GRIN2B: variants seen among roughly 807,000 people sequenced by gnomAD.
The protein encoded by GRIN2B is glutamate receptor ionotropic, NMDA 2B.
In GRIN2B, 5 loss-of-function variants were observed where a neutral mutation model predicts 114.5. The observed-to-expected ratio is 0.04, with a 90% CI of 0.02 to 0.09. The LOEUF (loss-of-function observed/expected upper bound fraction) is 0.09, where lower values mean the gene tolerates loss of function less well. GRIN2B is among the 10% of genes least tolerant of loss of function. The pLI, the probability that GRIN2B is intolerant of heterozygous loss-of-function variation, is 1.00. For missense variants in GRIN2B, 1,108 were observed against 1,943.5 expected, an observed-to-expected ratio of 0.57 and a Z score of 8.08; for synonymous variants, 787 against 745.1, an observed-to-expected ratio of 1.06 and a Z score of -0.92.
chr12:13,647,720 A>T (rs941610269), intron 5 of GRIN2B, among the ~76,000 whole-genome samples: 1 of 152,048 alleles, frequency 6.6e-6, no homozygotes, highest in Admixed American at 6.6e-5. Flanking sequence ...ACACCCACTC[A>T]AAAGGGGAAT....
Position 13,866,108 on chromosome 12 carries a change from C to T in GRIN2B, c.101G>A (p.Ser34Asn), listed in dbSNP as rs777940683. ...SRARSQKSPP[S>N]IGIAVILVGT... ...CACGAGGATGACAGCAATGCCAATG[C>T]TGGGGGGGCTCTTCTGAGAACGAGC... The change falls in exon 3 of 14, where the codon AGC (serine) becomes AAC (asparagine). Residue 34 changes from serine to asparagine, a missense_variant. Ser to Asn is a conservative substitution (Grantham distance 46). This residue lies in a region of GRIN2B where 46 missense variants were observed against 44.4 expected (regional missense o/e 1.04). Coordinates refer to ENST00000609686, the MANE Select transcript of GRIN2B (RefSeq NM_000834.5). The T allele has an allele frequency of 6.2e-7, 1 of 1,613,956 alleles. No individual in the cohort carries two copies. Among genetic ancestry groups the T allele is most frequent in the East Asian group, 2.2e-5 (1 of 44,818 alleles).
intron 4 of GRIN2B, among the ~76,000 whole-genome samples, chr12:13,699,139 A>G (rs1950288408): frequency 6.6e-6 from 1 of 152,220 alleles, no homozygotes; most frequent in African/African-American, 2.4e-5. Context: ...AAATTAAAAT[A>G]CTTATGTTAG....
intron 5 of GRIN2B, among the ~76,000 whole-genome samples, chr12:13,655,742 G>A (rs758855741): frequency 3.3e-5 from 5 of 152,180 alleles, no homozygotes; most frequent in Non-Finnish European, 5.9e-5. Context: ...ATGAGTTAAT[G>A]TAAGTGATCT....
chr12:13,865,752 C>T (rs1865816326), intron 3 of GRIN2B, 46 bp downstream of exon 3: 1 of 1,467,828 alleles, frequency 6.8e-7, no homozygotes. Flanking sequence ...ATGGTTTAGT[C>T]CTCAGCACAA....
chr12:13,842,855 C>A (rs1460236725), intron 3 of GRIN2B, among the ~76,000 whole-genome samples: 1 of 149,486 alleles, frequency 6.7e-6, no homozygotes, highest in East Asian at 2.0e-4. Context: ...ACATAATAGT[C>A]TTCCTTTTCC....
At chr12:13,929,191 T>C (rs1430578418) in intron 2 of GRIN2B, among the ~76,000 whole-genome samples, 1 of 152,198 alleles carries the variant, frequency 6.6e-6, no homozygotes, top group Non-Finnish European at 1.5e-5. Flanking sequence ...TAAGAAATTA[T>C]GCAGAATAAA....
At chr12:13,878,220 CAAGA>C (rs1265196467) in intron 2 of GRIN2B, among the ~76,000 whole-genome samples, 1 of 152,166 alleles carries the variant, frequency 6.6e-6, no homozygotes, top group Non-Finnish European at 1.5e-5. Flanking sequence ...TGAGTAGGAA[CAAGA>C]CCAAGACAGG....
intron 10 of GRIN2B, among the ~76,000 whole-genome samples, chr12:13,579,288 G>A (rs528781495): frequency 1.1e-4 from 17 of 152,278 alleles, no homozygotes; most frequent in Admixed American, 4.6e-4. Flanking sequence ...GTTGAATTCT[G>A]TGCAAAGGAG....
At chr12:13,945,763 G>A (rs955916208) in intron 2 of GRIN2B, among the ~76,000 whole-genome samples, 2 of 152,136 alleles carry the variant, frequency 1.3e-5, no homozygotes, top group African/African-American at 4.8e-5. Flanking sequence ...GTGAGACATG[G>A]GAACATAAAC....
At chr12:13,613,023 G>A in intron 8 of GRIN2B, among the ~76,000 whole-genome samples, 1 of 152,318 alleles carries the variant, frequency 6.6e-6, no homozygotes. Flanking sequence ...AATTGTAAAA[G>A]CCTGGTCACT....
intron 2 of GRIN2B, among the ~76,000 whole-genome samples, chr12:13,913,167 A>G (rs1866653339): frequency 1.3e-5 from 2 of 152,210 alleles, no homozygotes; most frequent in African/African-American, 4.8e-5. Flanking sequence ...ATAGATCTTT[A>G]GTACTGTTGG....
intron 4 of GRIN2B, among the ~76,000 whole-genome samples, chr12:13,752,962 C>T (rs747353653): frequency 3.9e-5 from 6 of 152,210 alleles, no homozygotes; most frequent in Non-Finnish European, 7.3e-5. Flanking sequence ...TGACCACTCA[C>T]TTGCAACATG....
At position 13,564,692 on chromosome 12, in the gene GRIN2B, C is replaced by T; in HGVS notation, c.2599-53G>A. On this transcript the variant is annotated intron_variant, in intron 13 of 13. Transcript: ENST00000609686. This position sits in a 1 kb window ranked among gnomAD's most constrained non-coding sequence, Gnocchi z 4.8. ...GATCTCCAGAGAGGCTAGAAATGAC[C>T]ACAAAAAACACTCTCCCACCAATAA... 11 of 1,460,490 alleles carry T rather than the reference C, an allele frequency of 7.5e-6. No homozygotes were observed. Among genetic ancestry groups the T allele is most frequent in the Non-Finnish European group, 1.1e-5 (11 of 1,044,500 alleles). The allele number at this position is 1,460,490 out of a possible 1,614,324, so 90.5% of individuals were successfully genotyped here. A position where few individuals can be genotyped will look rare whatever the true frequency, so the allele number is the denominator to read the frequency against.
chr12:13,811,999 G>C (rs1864738700), intron 3 of GRIN2B, among the ~76,000 whole-genome samples: 1 of 152,174 alleles, frequency 6.6e-6, no homozygotes, highest in African/African-American at 2.4e-5. Context: ...GGGGTCTATA[G>C]TTTTCATTAG....
At chr12:13,726,775 T>C (rs1253013384) in intron 4 of GRIN2B, among the ~76,000 whole-genome samples, 1 of 151,936 alleles carries the variant, frequency 6.6e-6, no homozygotes, top group Non-Finnish European at 1.5e-5. Context: ...ACCTGAGCAA[T>C]GTACCCTGTA....
intron 2 of GRIN2B, among the ~76,000 whole-genome samples, chr12:13,928,166 C>G (rs1250451349): frequency 6.6e-6 from 1 of 151,578 alleles, no homozygotes; most frequent in African/African-American, 2.4e-5. Flanking sequence ...GAAAAATTTG[C>G]CAGGCGTGGT....
intron 3 of GRIN2B, among the ~76,000 whole-genome samples, chr12:13,838,799 T>C (rs1283293114): frequency 1.3e-5 from 2 of 152,168 alleles, no homozygotes; most frequent in Non-Finnish European, 2.9e-5. Context: ...ATATCTGTAT[T>C]TCAGGGTGGT....
intron 4 of GRIN2B, among the ~76,000 whole-genome samples, chr12:13,689,771 T>G (rs1482874063): frequency 6.6e-6 from 1 of 152,190 alleles, no homozygotes; most frequent in Non-Finnish European, 1.5e-5. Context: ...TGGAATTCTC[T>G]CATCTTTACA....
At chr12:13,805,593 T>A (rs1445490074) in intron 3 of GRIN2B, among the ~76,000 whole-genome samples, 1 of 152,184 alleles carries the variant, frequency 6.6e-6, no homozygotes, top group African/African-American at 2.4e-5. Flanking sequence ...TTCAAATTAT[T>A]TGCATTTATT....
Sources: allele counts gnomAD v4.1 joint callset (sites outside exome capture counted in the v4.1 genomes callset), GRCh38; gene constraint gnomAD v4.1.1; regional missense constraint gnomAD v4.1.1; non-coding constraint Gnocchi (gnomAD v3.1); transcripts MANE v1.5; gene names NCBI Gene and HGNC (gene_info 2026-07-23, HGNC 2026-07-21).